The following FAAH2 variants were observed in gnomAD, a reference collection of about 807,000 sequenced individuals.
FAAH2 encodes fatty-acid amide hydrolase 2.
A neutral mutation model predicts 36.9 loss-of-function variants in FAAH2; 60 were observed. The observed-to-expected ratio is 1.63, with a 90% confidence interval of 1.32 to 2.02. FAAH2 has a LOEUF of 2.02. Ranked by LOEUF, FAAH2 falls within the 30% of genes most tolerant of loss-of-function variation. FAAH2 has a pLI of 0.00. For missense variants in FAAH2, 689 were observed against 397.5 expected (o/e 1.73, Z -6.23); for synonymous variants, 214 against 143.8 (o/e 1.49, Z -3.49).
chrX:57,143,318 C>T, the FAAH2 span, among the ~76,000 whole-genome samples: 1 of 110,582 alleles, frequency 9.0e-6, no homozygotes, highest in African/African-American at 3.3e-5. Flanking sequence ...CAAGACTATT[C>T]TAACGAATTG....
chrX:57,412,344 G>A (rs1364925120), intron 7 of FAAH2, among the ~76,000 whole-genome samples: 1 of 111,202 alleles, frequency 9.0e-6, no homozygotes, highest in Non-Finnish European at 1.9e-5. Flanking sequence ...TCTAAATTAG[G>A]TATTTCTTCT....
At chrX:57,224,892 T>A in the FAAH2 span, among the ~76,000 whole-genome samples, 1 of 112,062 alleles carries the variant, frequency 8.9e-6, no homozygotes, top group South Asian at 3.7e-4. Context: ...TTCCAGGAAT[T>A]TATTAATCTC....
intron 5 of FAAH2, among the ~76,000 whole-genome samples, chrX:57,371,876 A>G (rs1227207994): frequency 9.0e-6 from 1 of 111,548 alleles, no homozygotes; most frequent in Admixed American, 9.5e-5. Flanking sequence ...TTTAATTTAC[A>G]CTTATAAGTA....
intron 10 of FAAH2, among the ~76,000 whole-genome samples, chrX:57,461,739 G>T (rs2056960954): frequency 9.1e-6 from 1 of 109,566 alleles, no homozygotes; most frequent in African/African-American, 3.3e-5. Context: ...ACAATTATAA[G>T]AACTACAGAA....
intron 10 of FAAH2, among the ~76,000 whole-genome samples, chrX:57,485,881 A>T (rs927356406): frequency 8.9e-6 from 1 of 111,754 alleles, no homozygotes; most frequent in Non-Finnish European, 1.9e-5. Flanking sequence ...TGGCAATGAT[A>T]ATCTTTCAGT....
chrX:57,149,668 C>T, the FAAH2 span, among the ~76,000 whole-genome samples: 23 of 110,885 alleles, frequency 2.1e-4, no homozygotes, highest in South Asian at 8.7e-3. Flanking sequence ...ACTAGTCTTG[C>T]TAGCGGTCTA....
the FAAH2 span, among the ~76,000 whole-genome samples, chrX:57,277,963 A>G: frequency 8.9e-6 from 1 of 112,006 alleles, no homozygotes; most frequent in Non-Finnish European, 1.9e-5. Context: ...GCTCATGGAT[A>G]GGAAGCATCA....
chrX:57,215,020 G>A, the FAAH2 span, among the ~76,000 whole-genome samples: 3 of 108,715 alleles, frequency 2.8e-5, no homozygotes, highest in East Asian at 2.9e-4. Flanking sequence ...GAGGGAAGAG[G>A]CAACCTAGAG....
intron 5 of FAAH2, among the ~76,000 whole-genome samples, chrX:57,370,702 G>A (rs768221545): frequency 8.9e-6 from 1 of 112,211 alleles, no homozygotes. Flanking sequence ...AGGTGAGTAA[G>A]CATTACCACA....
Position 57,476,611 on chromosome X carries a change from C to T in FAAH2, c.1424-12146C>T, listed in dbSNP as rs779396423. Reference sequence around the variant, plus strand: ...GCCAGTATTTTATTGAGGATTTTCACATTGATGTACATCAGAGATGGTGGC... The same window carrying T: ...GCCAGTATTTTATTGAGGATTTTCATATTGATGTACATCAGAGATGGTGGC... On this transcript the variant is annotated intron_variant, in intron 10 of 10. Transcript: ENST00000374900. 3.6e-3 allele frequency among the ~76,000 whole-genome samples: 397 copies of T among 111,262 alleles called. 1 individual carries two copies. Among genetic ancestry groups the T allele is most frequent in the African/African-American group, 0.013 (392 of 30,611 alleles).
At chrX:57,207,916 G>A in the FAAH2 span, among the ~76,000 whole-genome samples, 1 of 112,852 alleles carries the variant, frequency 8.9e-6, no homozygotes, top group Non-Finnish European at 1.9e-5. Context: ...GCCTGAGCCG[G>A]AAATGCCCCT....
At chrX:57,488,431 G>A (rs1159675167) in intron 10 of FAAH2, among the ~76,000 whole-genome samples, 2 of 111,490 alleles carry the variant, frequency 1.8e-5, no homozygotes, top group Non-Finnish European at 3.8e-5. Context: ...TCATGTGAAA[G>A]AACTTTAGGC....
At chrX:57,382,155 C>A (rs2054869674) in intron 7 of FAAH2, among the ~76,000 whole-genome samples, 1 of 111,276 alleles carries the variant, frequency 9.0e-6, no homozygotes, top group Admixed American at 9.6e-5. Flanking sequence ...ATACCAGAAT[C>A]TCTGGGACAC....
At chrX:57,352,832 A>G (rs2054060588) in intron 5 of FAAH2, among the ~76,000 whole-genome samples, 1 of 111,210 alleles carries the variant, frequency 9.0e-6, no homozygotes, top group Non-Finnish European at 1.9e-5. Flanking sequence ...CTGAGAAAGC[A>G]TGAAGGCAAT....
chrX:57,264,561 G>A, the FAAH2 span, among the ~76,000 whole-genome samples: 2 of 112,397 alleles, frequency 1.8e-5, no homozygotes, highest in African/African-American at 6.5e-5. Context: ...CAGAGAAAAA[G>A]GAATGCTTAT....
chrX:57,451,248 C>T (rs961990964), intron 10 of FAAH2, among the ~76,000 whole-genome samples: 10 of 111,742 alleles, frequency 8.9e-5, no homozygotes, highest in African/African-American at 2.9e-4. Context: ...AAACCCAGGT[C>T]TGTCTGACTC....
chrX:57,466,156 C>CTCTATATATATATATATATATATATA (rs1287266105), intron 10 of FAAH2, among the ~76,000 whole-genome samples: 1 of 66,417 alleles, frequency 1.5e-5, no homozygotes, highest in Admixed American at 2.0e-4. Context: ...CTCTCTCTCT[C>CTCTATATATATATATATATATATATA]TATATATATA....
the FAAH2 span, among the ~76,000 whole-genome samples, chrX:57,182,856 GA>G: frequency 1.8e-5 from 2 of 111,598 alleles, no homozygotes; most frequent in Non-Finnish European, 3.8e-5. Context: ...GAATATTATG[GA>G]GCCTTAAAGA....
the FAAH2 span, among the ~76,000 whole-genome samples, chrX:57,203,041 A>G: frequency 8.9e-6 from 1 of 111,929 alleles, no homozygotes. Context: ...TCAGTGGTGG[A>G]GACCATAACC....
Sources: allele counts gnomAD v4.1 joint callset (sites outside exome capture counted in the v4.1 genomes callset), GRCh38; gene constraint gnomAD v4.1.1; transcripts MANE v1.5; gene names NCBI Gene and HGNC (gene_info 2026-07-23, HGNC 2026-07-21).